TBC1D22A: variants seen among roughly 807,000 people sequenced by gnomAD.
The protein encoded by TBC1D22A is TBC1 domain family member 22A, also known as putative GTPase activator.
Under a neutral mutation model 60.2 loss-of-function variants are expected in TBC1D22A, and 38 were observed. The observed-to-expected ratio is 0.63, with a 90% CI of 0.49 to 0.83. TBC1D22A has a LOEUF of 0.83. Among genes scored for constraint, TBC1D22A ranks in the 40% least tolerant of loss-of-function variants. The probability of loss-of-function intolerance (pLI) is 0.00; values close to 1 mark genes in which losing one functional copy is unlikely to be tolerated. For missense variants in TBC1D22A, 628 were observed against 701.0 expected (o/e 0.90, Z 1.18); for synonymous variants, 302 against 281.7 (o/e 1.07, Z -0.72).
At chr22:46,849,236 C>T (rs2087160413) in intron 4 of TBC1D22A, among the ~76,000 whole-genome samples, 1 of 152,184 alleles carries the variant, frequency 6.6e-6, no homozygotes, top group Non-Finnish European at 1.5e-5. Flanking sequence ...GAGTGGATGC[C>T]TCCGTCCAAG....
chr22:47,141,075 C>T (rs2067065371), intron 12 of TBC1D22A, among the ~76,000 whole-genome samples: 1 of 152,272 alleles, frequency 6.6e-6, no homozygotes, highest in East Asian at 1.9e-4. Flanking sequence ...GCCTCATAAA[C>T]ATGGAGGACG....
chr22:46,915,718 G>A, intron 8 of TBC1D22A: 1 of 456,738 alleles, frequency 2.2e-6, no homozygotes, highest in Non-Finnish European at 4.4e-6. Flanking sequence ...CTGAGTGGGA[G>A]CTGGGCTCTT....
At chr22:46,876,271 C>T (rs1050259898) in intron 4 of TBC1D22A, among the ~76,000 whole-genome samples, 1 of 152,168 alleles carries the variant, frequency 6.6e-6, no homozygotes, top group African/African-American at 2.4e-5. Context: ...TCCCTTTTCA[C>T]TTCATAATTT....
intron 12 of TBC1D22A, among the ~76,000 whole-genome samples, chr22:47,131,924 C>T (rs1004858569): frequency 2.0e-5 from 3 of 152,214 alleles, no homozygotes; most frequent in African/African-American, 7.2e-5. Flanking sequence ...CACTCGAGTT[C>T]GTGGCAGCAC....
intron 4 of TBC1D22A, among the ~76,000 whole-genome samples, chr22:46,872,761 G>A (rs183017452): frequency 5.5e-4 from 84 of 152,274 alleles, no homozygotes; most frequent in Non-Finnish European, 9.1e-4. Context: ...GGAGGGAATT[G>A]TATAGGGAGA....
rs375057168 is a variant in TBC1D22A, at chr22:46,780,805, C to T, written c.63-11715C>T. Reference sequence around the variant, plus strand: ...GAGTGACTTGAATGGAGAAACATAACGCAGCGTAGTCAGTAGAAGCTGAAG... The same window carrying T: ...GAGTGACTTGAATGGAGAAACATAATGCAGCGTAGTCAGTAGAAGCTGAAG... On this transcript the variant is annotated intron_variant, in intron 1 of 12. Coordinates refer to ENST00000337137, the MANE Select transcript of TBC1D22A (RefSeq NM_014346.5). 1.3e-4 allele frequency among the ~76,000 whole-genome samples: 20 copies of T among 152,198 alleles called. No homozygotes were observed. In the South Asian group the frequency reaches 3.9e-3, roughly 30 times the overall value.
intron 12 of TBC1D22A, among the ~76,000 whole-genome samples, chr22:47,148,539 C>T (rs2147166149): frequency 6.6e-6 from 1 of 152,242 alleles, no homozygotes; most frequent in Admixed American, 6.5e-5. Context: ...AGTCCCCTCC[C>T]TGGAGTCCCT....
intron 7 of TBC1D22A, among the ~76,000 whole-genome samples, chr22:46,907,184 C>G (rs1330616997): frequency 6.6e-6 from 1 of 152,168 alleles, no homozygotes; most frequent in Non-Finnish European, 1.5e-5. Context: ...ATGCTCTTTT[C>G]TCTGCATAGA....
chr22:46,941,814 ATAT>A (rs1264836381), intron 8 of TBC1D22A, among the ~76,000 whole-genome samples: 4,720 of 127,648 alleles, frequency 0.037, 321 homozygotes, highest in African/African-American at 0.13. Context: ...TATATAGAAT[ATAT>A]ATAGAATATA....
intron 8 of TBC1D22A, among the ~76,000 whole-genome samples, chr22:46,952,154 CT>C (rs1445489534): frequency 1.5e-5 from 2 of 137,716 alleles, no homozygotes; most frequent in African/African-American, 5.1e-5. Context: ...GTGGTTGACA[CT>C]TTGCAGCCAT....
rs59518138 is a variant in TBC1D22A at position 47,148,336 on chromosome 22, TAAA to T, written c.1426-25149_1426-25147del. On this transcript the variant is annotated intron_variant, in intron 12 of 12. Transcript: ENST00000337137. Reference sequence around the variant, plus strand: ...GAATTCCAGAGAAACCCAAAAGATGTAAAAAAAAAAAAAAACAGAAGCAGAGAA... The same window carrying T: ...GAATTCCAGAGAAACCCAAAAGATGTAAAAAAAAAAAACAGAAGCAGAGAA... 9.5e-3 allele frequency among the ~76,000 whole-genome samples: 1,325 copies of T among 138,952 alleles called. 16 individuals carry two copies. The highest frequency in any genetic ancestry group is 0.032 in the African/African-American group (1,239 of 38,254). The allele number at this position is 138,952 out of a possible 152,430, so 91.2% of individuals were successfully genotyped here. A position where few individuals can be genotyped will look rare whatever the true frequency, so the allele number is the denominator to read the frequency against.
rs774878349 is a variant in TBC1D22A, at chr22:47,173,659, C to G, written c.*33C>G. ...CCCACCCGCAGCTGGCCTCACTGTCCCGGGTGGCGCGCCCCACCTGCCTGG... is the reference window on the plus strand; with the variant it reads ...CCCACCCGCAGCTGGCCTCACTGTCGCGGGTGGCGCGCCCCACCTGCCTGG... On this transcript the variant is annotated 3_prime_UTR_variant, in exon 13 of 13. Transcript: ENST00000337137. The G allele has an allele frequency of 1.9e-6, 3 of 1,609,992 alleles. No homozygotes were observed. The South Asian group carries it at 3.3e-5, about 18-fold the overall frequency.
intron 8 of TBC1D22A, among the ~76,000 whole-genome samples, chr22:46,942,465 A>C (rs138632107): frequency 6.6e-6 from 1 of 152,158 alleles, no homozygotes; most frequent in African/African-American, 2.4e-5. Context: ...CTGCTTAGCT[A>C]TGCCGCTAAC....
At chr22:46,903,554 G>A (rs530197297) in intron 7 of TBC1D22A, among the ~76,000 whole-genome samples, 2 of 152,294 alleles carry the variant, frequency 1.3e-5, no homozygotes, top group South Asian at 4.1e-4. Flanking sequence ...TGAGTCTAGA[G>A]GGACCAGCAA....
chr22:46,926,242 G>A lies in TBC1D22A; in HGVS notation c.1015+14054G>A, dbSNP rs187465190. Among the ~76,000 whole-genome samples the A allele has an allele frequency of 1.9e-3, 289 of 152,112 alleles. 1 individual carries two copies. Among genetic ancestry groups the A allele is most frequent in the Non-Finnish European group, 3.0e-3 (202 of 67,980 alleles). Reference sequence around the variant, plus strand: ...TCAAATCATTAACTTTCCACTTTCCGAAACTTAGAAAAAGAAGGGTAAAAT... The same window carrying A: ...TCAAATCATTAACTTTCCACTTTCCAAAACTTAGAAAAAGAAGGGTAAAAT... On this transcript the variant is annotated intron_variant, in intron 8 of 12. Coordinates refer to ENST00000337137, the MANE Select transcript of TBC1D22A (RefSeq NM_014346.5).
At position 46,877,967 on chromosome 22, in the gene TBC1D22A, G is replaced by A. The variant is rs983159505; in HGVS notation, c.638-686G>A. The stretch of plus-strand genomic sequence containing the variant: ...TCCTTCCCTGCCCTTGGAGGTGCTG[G>A]ACCTTGCTCCAGGACCCCTCTGCCT... On this transcript the variant is annotated intron_variant, in intron 4 of 12. Coordinates refer to ENST00000337137, the MANE Select transcript of TBC1D22A (RefSeq NM_014346.5). Among the ~76,000 whole-genome samples the A allele has an allele frequency of 4.6e-5, 7 of 152,240 alleles. No individual in the cohort carries two copies. In the East Asian group the frequency reaches 1.2e-3, roughly 25 times the overall value.
At chr22:46,788,168 C>A (rs2084246853) in intron 1 of TBC1D22A, among the ~76,000 whole-genome samples, 1 of 152,020 alleles carries the variant, frequency 6.6e-6, no homozygotes, top group Admixed American at 6.5e-5. Context: ...GATCTCCAGA[C>A]CTCGTGATCC....
rs1226112735 is a variant in TBC1D22A at position 47,009,040 on chromosome 22, G to A, written c.1201+11331G>A. Among the ~76,000 whole-genome samples, 1 of 152,202 alleles carries A rather than the reference G, an allele frequency of 6.6e-6. No homozygotes were observed. The highest frequency in any genetic ancestry group is 2.4e-5 in the African/African-American group (1 of 41,450). ...CTAATCTACTCTTCAGCTCTGTGGA[G>A]TAACAGCTTGGAGTTTGGAAGCTGG... is the stretch of plus-strand genomic sequence containing the variant. On this transcript the variant is annotated intron_variant, in intron 10 of 12. Transcript: ENST00000337137. This position sits in a 1 kb window ranked among gnomAD's most constrained non-coding sequence, Gnocchi z 5.8.
chr22:46,941,110 C>CAT (rs1320660103), intron 8 of TBC1D22A, among the ~76,000 whole-genome samples: 3 of 12,846 alleles, frequency 2.3e-4, no homozygotes, highest in Admixed American at 2.0e-3. Flanking sequence ...CACTAGCATA[C>CAT]ACACACACAC....
Sources: gnomAD v4.1 joint callset for allele counts (sites outside exome capture counted in the v4.1 genomes callset) on GRCh38, gnomAD v4.1.1 for gene constraint, Gnocchi (gnomAD v3.1) non-coding constraint, MANE v1.5 for transcripts, NCBI Gene and HGNC (gene_info 2026-07-23, HGNC 2026-07-21) for gene names.